Variants in ZNF248 observed in about 807,000 individuals in gnomAD.
The protein encoded by ZNF248 is KRAB protein domain.
ZNF248 carries 20 observed loss-of-function variants against 44.3 expected under a neutral mutation model. The ratio of observed to expected loss-of-function variants is 0.45; its 90% CI spans 0.32 to 0.66. ZNF248 has a LOEUF of 0.66. ZNF248 is among the 30% of genes least tolerant of loss of function. The pLI is 0.04. For synonymous variants in ZNF248, 224 were observed against 229.0 expected, an observed-to-expected ratio of 0.98 and a Z score of 0.20; for missense variants, 654 against 677.0, an observed-to-expected ratio of 0.97 and a Z score of 0.38.
chr10:37,845,679 A>C (rs1289883065), intron 3 of ZNF248, among the ~76,000 whole-genome samples: 1 of 152,134 alleles, frequency 6.6e-6, no homozygotes, highest in East Asian at 1.9e-4. Flanking sequence ...CATGAAAAGG[A>C]AAAATGACCC....
intron 6 of ZNF248, among the ~76,000 whole-genome samples, chr10:37,790,629 G>A (rs2048396604): frequency 6.6e-6 from 1 of 151,962 alleles, no homozygotes; most frequent in African/African-American, 2.4e-5. Flanking sequence ...AGAATCTCTT[G>A]AACCTGGGAG....
intron 6 of ZNF248, among the ~76,000 whole-genome samples, chr10:37,780,021 C>CA (rs1297120171): frequency 6.7e-6 from 1 of 149,544 alleles, no homozygotes; most frequent in Admixed American, 6.8e-5. Flanking sequence ...AAAGAGGATA[C>CA]AAACAAATGG....
intron 1 of ZNF248, 50 bp from the exon 2 acceptor site, chr10:37,856,582 A>C (rs2135095763): frequency 8.8e-7 from 1 of 1,136,192 alleles, no homozygotes; most frequent in South Asian, 4.1e-5. Flanking sequence ...TAACAAGTTA[A>C]CAGTAATCTG....
intron 6 of ZNF248, among the ~76,000 whole-genome samples, chr10:37,810,133 A>C (rs1434926095): frequency 1.3e-5 from 2 of 152,218 alleles, no homozygotes; most frequent in African/African-American, 4.8e-5. Context: ...AGGCCCTAAA[A>C]ATAACCTTAA....
intron 3 of ZNF248, among the ~76,000 whole-genome samples, chr10:37,841,628 C>G (rs1216294345): frequency 6.6e-6 from 1 of 152,176 alleles, no homozygotes; most frequent in Non-Finnish European, 1.5e-5. Flanking sequence ...TAGCGTAACT[C>G]TCCACTTCAT....
rs555170214 is a variant in ZNF248 at position 37,856,234 on chromosome 10, C to A, written c.15+62G>T. On this transcript the variant is annotated intron_variant, in intron 3 of 5. Transcript: ENST00000395867. ...TATTTTTCCATTTTCAAAACATAAACCCTTATAAACTTCAGAAATCCATTT... is the reference window on the plus strand; with the variant it reads ...TATTTTTCCATTTTCAAAACATAAAACCTTATAAACTTCAGAAATCCATTT... The A allele has an allele frequency of 8.6e-4, 1,352 of 1,571,228 alleles. 6 individuals carry two copies. The highest frequency in any genetic ancestry group is 1.0e-3 in the Non-Finnish European group (1,159 of 1,149,342).
rs185053600 is a variant in ZNF248, at chr10:37,856,285, A to G, written c.15+11T>C. On this transcript the variant is annotated intron_variant, in intron 3 of 5. Transcript: ENST00000395867. ...TTAAACAAACTGGGAATAAAGAAAC[A>G]AGAATCTCACCTGGGATTTGTTCAT... is the stretch of plus-strand genomic sequence containing the variant. 581 of 1,613,240 alleles carry G rather than the reference A, an allele frequency of 3.6e-4. 5 individuals carry two copies. The highest frequency in any genetic ancestry group is 2.9e-3 in the South Asian group (262 of 91,016).
Position 37,830,410 on chromosome 10 carries a change from C to T in ZNF248, c.*1205G>A. On this transcript the variant is annotated 3_prime_UTR_variant, in exon 6 of 6. Transcript: ENST00000395867. The stretch of plus-strand genomic sequence containing the variant: ...TTGTGAAATAATATTTCACTAAAAA[C>T]ATATACTGGCCAACCTACAAAGAGA... 1.0e-6 allele frequency: 1 copy of T among 985,310 alleles called. No individual in the cohort carries two copies. The highest frequency in any genetic ancestry group is 1.2e-6 in the Non-Finnish European group (1 of 829,902). The allele number at this position is 985,310 out of a possible 1,614,324, so 61.0% of individuals were successfully genotyped here.
In ZNF248 at chr10:37,833,070, A is replaced by G. The variant is rs772908915; in HGVS notation, c.285T>C (p.Asn95=). ...GAAGCTCCCAAAAATGGTCATCTTC[A>G]TTTTCCTGGCTGCTCTCTAACACGT... is the stretch of plus-strand genomic sequence containing the variant. ...VDDVLESSQE[N]EDDHFWELLF... The change falls in exon 6 of 6, where the codon AAT becomes AAC. Residue 95 remains asparagine, a synonymous_variant. Transcript: ENST00000395867. 1 of 1,609,924 alleles carries G rather than the reference A, an allele frequency of 6.2e-7. No homozygotes were observed.
At chr10:37,792,251 G>A (rs1161278871) in intron 6 of ZNF248, among the ~76,000 whole-genome samples, 1 of 152,144 alleles carries the variant, frequency 6.6e-6, no homozygotes, top group African/African-American at 2.4e-5. Context: ...GACTGCCAGG[G>A]TGCCATCATG....
At chr10:37,828,242 A>G (rs2054704193), downstream of ZNF248, among the ~76,000 whole-genome samples, 1 of 151,586 alleles carries the variant, frequency 6.6e-6, no homozygotes. Context: ...TATCCACATC[A>G]CTCCTCCCTC....
intron 6 of ZNF248, among the ~76,000 whole-genome samples, chr10:37,814,531 C>T (rs1344087145): frequency 2.6e-5 from 4 of 152,170 alleles, no homozygotes; most frequent in Non-Finnish European, 5.9e-5. Flanking sequence ...TCATTTCAAC[C>T]TAAAGGACTC....
At position 37,830,671 on chromosome 10, in the gene ZNF248, T is replaced by C. The variant is rs975936109; in HGVS notation, c.*944A>G. The C allele has an allele frequency of 1.1e-5, 10 of 936,860 alleles. No individual in the cohort carries two copies. The highest frequency in any genetic ancestry group is 1.3e-5 in the Non-Finnish European group (10 of 785,932). 58.0% of individuals were successfully genotyped at this position (936,860 alleles called of 1,614,324 possible). On this transcript the variant is annotated 3_prime_UTR_variant, in exon 6 of 6. Coordinates refer to ENST00000395867, the MANE Select transcript of ZNF248 (RefSeq NM_021045.3). ...CTGAGAAAATTAAAACCCTGATTTA[T>C]AGTTTGTCAATTTCCATGGTGTAAA...
At chr10:37,806,282 C>G (rs1443217611) in intron 6 of ZNF248, among the ~76,000 whole-genome samples, 1 of 152,200 alleles carries the variant, frequency 6.6e-6, no homozygotes, top group African/African-American at 2.4e-5. Flanking sequence ...GCCATAATAG[C>G]TGCACCATTT....
At chr10:37,785,975 C>T (rs1365246634) in intron 6 of ZNF248, among the ~76,000 whole-genome samples, 1 of 152,104 alleles carries the variant, frequency 6.6e-6, no homozygotes, top group African/African-American at 2.4e-5. Context: ...GAGCAGCTAC[C>T]ACAGAAGCAG....
At chr10:37,826,049 T>C (rs1447205601), downstream of ZNF248, among the ~76,000 whole-genome samples, 3 of 152,170 alleles carry the variant, frequency 2.0e-5, no homozygotes, top group Non-Finnish European at 2.9e-5. Context: ...AGATAAAATA[T>C]TGTTGATCCA....
chr10:37,774,116 C>A (rs1044065340), downstream of ZNF248, among the ~76,000 whole-genome samples: 1 of 152,072 alleles, frequency 6.6e-6, no homozygotes, highest in Non-Finnish European at 1.5e-5. Flanking sequence ...TCCTCCATTC[C>A]ATTTCCCTCC....
In ZNF248 at chr10:37,828,878, TCA is replaced by T; in HGVS notation, c.*2735_*2736del. ...AATGTAATTTAATATAATGTCTGCTTCACACATGTTGAAGGAGAGACATACCT... is the reference window on the plus strand; with the variant it reads ...AATGTAATTTAATATAATGTCTGCTTCACATGTTGAAGGAGAGACATACCT... On this transcript the variant is annotated 3_prime_UTR_variant, in exon 6 of 6. Coordinates refer to ENST00000395867, the MANE Select transcript of ZNF248 (RefSeq NM_021045.3). 1 of 985,442 alleles carries T rather than the reference TCA, an allele frequency of 1.0e-6. No individual in the cohort carries two copies. Among genetic ancestry groups the T allele is most frequent in the South Asian group, 4.7e-5 (1 of 21,286 alleles). 61.0% of individuals were successfully genotyped at this position (985,442 alleles called of 1,614,324 possible).
chr10:37,790,482 C>T (rs1018505870), intron 6 of ZNF248, among the ~76,000 whole-genome samples: 2 of 151,524 alleles, frequency 1.3e-5, no homozygotes, highest in Non-Finnish European at 1.5e-5. Context: ...GAGGCTGAGA[C>T]GGGCAGATCA....
Sources: gnomAD v4.1 joint callset for allele counts (sites outside exome capture counted in the v4.1 genomes callset) on GRCh38, gnomAD v4.1.1 for gene constraint, MANE v1.5 for transcripts, NCBI Gene and HGNC (gene_info 2026-07-23, HGNC 2026-07-21) for gene names.